CHST11: variants seen among roughly 807,000 people sequenced by gnomAD.
CHST11 encodes carbohydrate sulfotransferase 11.
In CHST11, 9 loss-of-function variants were observed where a neutral mutation model predicts 30.4. The observed-to-expected ratio is 0.30, with a 90% CI of 0.18 to 0.52. The LOEUF (loss-of-function observed/expected upper bound fraction) is 0.52. Among genes scored for constraint, CHST11 ranks in the 20% least tolerant of loss-of-function variants. The pLI is 0.97. For synonymous variants in CHST11, 152 were observed against 187.8 expected (o/e 0.81, Z 1.56); for missense variants, 348 against 460.6 (o/e 0.76, Z 2.24).
intron 1 of CHST11, among the ~76,000 whole-genome samples, chr12:104,565,341 A>G (rs1388783725): frequency 8.1e-5 from 11 of 135,330 alleles, no homozygotes; most frequent in African/African-American, 3.2e-4. Context: ...ATCTTGGCTC[A>G]CTGTAACCTC....
intron 1 of CHST11, among the ~76,000 whole-genome samples, chr12:104,565,486 C>A (rs1390307944): frequency 6.6e-6 from 1 of 151,694 alleles, no homozygotes; most frequent in Non-Finnish European, 1.5e-5. Context: ...AGGCTGGTCT[C>A]GAACTCCTGA....
At chr12:104,509,517 C>A (rs775056109) in intron 1 of CHST11, among the ~76,000 whole-genome samples, 1 of 152,120 alleles carries the variant, frequency 6.6e-6, no homozygotes, top group Non-Finnish European at 1.5e-5. Context: ...TGTCTCTGTA[C>A]CTTAACATCT....
intron 2 of CHST11, among the ~76,000 whole-genome samples, chr12:104,698,819 C>G (rs1164134224): frequency 2.0e-5 from 3 of 152,162 alleles, no homozygotes; most frequent in Non-Finnish European, 4.4e-5. Flanking sequence ...ATCAGGAAGT[C>G]TTATCTGTTT....
intron 2 of CHST11, among the ~76,000 whole-genome samples, chr12:104,718,191 G>A (rs185698597): frequency 1.6e-4 from 24 of 152,330 alleles, no homozygotes; most frequent in African/African-American, 4.8e-5. Flanking sequence ...AGTAGTTTCA[G>A]TTGTCAGCCC....
intron 2 of CHST11, among the ~76,000 whole-genome samples, chr12:104,744,518 A>G (rs934873330): frequency 6.6e-6 from 1 of 152,182 alleles, no homozygotes; most frequent in Non-Finnish European, 1.5e-5. Context: ...TCGGATGCAT[A>G]GTTCGTAAAA....
Position 104,710,156 on chromosome 12 carries a change from C to T in CHST11, c.205-46793C>T, listed in dbSNP as rs140708170. The stretch of plus-strand genomic sequence containing the variant: ...TTAAGTCTGCAGAGAGCCATGATTG[C>T]GCCACTGCACTCCAGCCTGGTCCAC... On this transcript the variant is annotated intron_variant, in intron 2 of 2. Coordinates refer to ENST00000303694, the MANE Select transcript of CHST11 (RefSeq NM_018413.6). 8.5e-3 allele frequency among the ~76,000 whole-genome samples: 1,293 copies of T among 152,250 alleles called. 17 individuals are homozygous for T. The highest frequency in any genetic ancestry group is 0.029 in the African/African-American group (1,186 of 41,536).
At chr12:104,664,694 GT>G (rs2039627587) in intron 2 of CHST11, among the ~76,000 whole-genome samples, 1 of 152,184 alleles carries the variant, frequency 6.6e-6, no homozygotes, top group Non-Finnish European at 1.5e-5. Context: ...GGGAAGTGGG[GT>G]TATTTCTTTT....
At chr12:104,532,486 G>C (rs1419483391) in intron 1 of CHST11, among the ~76,000 whole-genome samples, 1 of 152,206 alleles carries the variant, frequency 6.6e-6, no homozygotes, top group Admixed American at 6.5e-5. Flanking sequence ...GTCCGATGCA[G>C]AGGTACATAG....
chr12:104,524,672 AC>A (rs2038107217), intron 1 of CHST11, among the ~76,000 whole-genome samples: 1 of 151,618 alleles, frequency 6.6e-6, no homozygotes, highest in South Asian at 2.1e-4. Flanking sequence ...CCATCCATCC[AC>A]CCATCCATCC....
At chr12:104,503,227 C>T (rs1224534118) in intron 1 of CHST11, among the ~76,000 whole-genome samples, 1 of 151,994 alleles carries the variant, frequency 6.6e-6, no homozygotes, top group Non-Finnish European at 1.5e-5. Flanking sequence ...TGTATGACCT[C>T]GGACAAGTCA....
chr12:104,541,125 C>CA (rs1461115767), intron 1 of CHST11, among the ~76,000 whole-genome samples: 1 of 147,832 alleles, frequency 6.8e-6, no homozygotes, highest in Admixed American at 6.7e-5. Context: ...CTCTCTCTCT[C>CA]TCTCTCACAC....
chr12:104,609,541 G>A (rs747436746), intron 2 of CHST11, among the ~76,000 whole-genome samples: 5 of 152,220 alleles, frequency 3.3e-5, no homozygotes, highest in Non-Finnish European at 7.3e-5. Context: ...AGTCAAGCCA[G>A]GGGACATGAC....
At position 104,729,894 on chromosome 12, in the gene CHST11, C is replaced by G. The variant is rs961152859; in HGVS notation, c.205-27055C>G. 7.2e-5 allele frequency among the ~76,000 whole-genome samples: 11 copies of G among 152,214 alleles called. No individual in the cohort carries two copies. The highest frequency in any genetic ancestry group is 2.4e-4 in the African/African-American group (10 of 41,456). ...AGGTGGGAGGGCAAGGCCTCCTCCTCTGGCCGTGCGTGTCTGGCTGCTGGT... is the reference window on the plus strand; with the variant it reads ...AGGTGGGAGGGCAAGGCCTCCTCCTGTGGCCGTGCGTGTCTGGCTGCTGGT... On this transcript the variant is annotated intron_variant, in intron 2 of 2. Coordinates refer to ENST00000303694, the MANE Select transcript of CHST11 (RefSeq NM_018413.6). The surrounding 1 kb of genome is among the most constrained non-coding windows in gnomAD (Gnocchi z 4.0).
intron 1 of CHST11, among the ~76,000 whole-genome samples, chr12:104,473,687 A>T (rs753875182): frequency 4.6e-5 from 7 of 152,072 alleles, no homozygotes; most frequent in Admixed American, 1.3e-4. Context: ...GGGAGAGGGC[A>T]TGGGGCTATT....
chr12:104,474,027 G>A (rs936593064), intron 1 of CHST11, among the ~76,000 whole-genome samples: 3 of 152,014 alleles, frequency 2.0e-5, no homozygotes, highest in Non-Finnish European at 4.4e-5. Context: ...GATATGCAGC[G>A]TGTTTTAAAG....
intron 1 of CHST11, among the ~76,000 whole-genome samples, chr12:104,457,915 C>G (rs1366399761): frequency 1.3e-5 from 2 of 151,526 alleles, no homozygotes; most frequent in African/African-American, 4.9e-5. Flanking sequence ...GAGAACGAAA[C>G]TCCCTCCCTG....
intron 1 of CHST11, among the ~76,000 whole-genome samples, chr12:104,591,052 G>C (rs2038853244): frequency 6.6e-6 from 1 of 152,206 alleles, no homozygotes. Flanking sequence ...GAGTAAAGAA[G>C]AGAACAGTTG....
chr12:104,587,027 G>A (rs1004403611), intron 1 of CHST11, among the ~76,000 whole-genome samples: 3 of 152,254 alleles, frequency 2.0e-5, no homozygotes, highest in South Asian at 2.1e-4. Context: ...TGGGGTAGGG[G>A]CTGGTTCTCC....
chr12:104,706,988 C>T (rs960472057), intron 2 of CHST11, among the ~76,000 whole-genome samples: 6 of 152,156 alleles, frequency 3.9e-5, no homozygotes, highest in African/African-American at 9.7e-5. Flanking sequence ...AAAGAAAATA[C>T]GGGACAGTCG....
Sources: gnomAD v4.1 joint callset for allele counts (sites outside exome capture counted in the v4.1 genomes callset) on GRCh38, gnomAD v4.1.1 for gene constraint, Gnocchi (gnomAD v3.1) non-coding constraint, MANE v1.5 for transcripts, NCBI Gene and HGNC (gene_info 2026-07-23, HGNC 2026-07-21) for gene names.